The following NOP14 variants were observed in gnomAD, a reference collection of about 807,000 sequenced individuals.
The protein encoded by NOP14 is nucleolar protein 14.
In NOP14, 57 loss-of-function variants were observed where a neutral mutation model predicts 101.6. That is an observed-to-expected ratio of 0.56 (90% CI 0.45 to 0.70). The LOEUF is 0.70. Ranked by LOEUF, NOP14 falls within the 30% of genes least tolerant of loss-of-function variation. The pLI, the probability that NOP14 is intolerant of heterozygous loss-of-function variation, is 0.00. For synonymous variants in NOP14, 428 were observed against 424.0 expected (o/e 1.01, Z -0.12); for missense variants, 1,134 against 1,075.5 (o/e 1.05, Z -0.76).
chr4:2,960,802 ATAT>A (rs1259534113), intron 1 of NOP14, among the ~76,000 whole-genome samples: 2 of 106,370 alleles, frequency 1.9e-5, no homozygotes, highest in Non-Finnish European at 3.8e-5. Flanking sequence ...TAATATTAAT[ATAT>A]TAATATTATA....
intron 15 of NOP14, among the ~76,000 whole-genome samples, 179 bp from the exon 16 acceptor site, chr4:2,939,824 G>A (rs1052330268): frequency 3.3e-5 from 5 of 152,252 alleles, no homozygotes; most frequent in Non-Finnish European, 7.3e-5. Context: ...GGCTGTGGCT[G>A]CTCAAGTCCT....
chr4:2,961,837 G>T (rs772956851), intron 1 of NOP14: 4 of 152,256 alleles, frequency 2.6e-5, no homozygotes, highest in Non-Finnish European at 4.4e-5. Context: ...CAAGGGCCAA[G>T]CATTGGAGAT....
In NOP14 at chr4:2,939,249, G is replaced by A. The variant is rs188640033; in HGVS notation, c.2413C>T (p.Arg805Ter). 3.1e-5 allele frequency: 50 copies of A among 1,613,976 alleles called. No individual in the cohort carries two copies. Among genetic ancestry groups the A allele is most frequent in the Admixed American group, 8.3e-5 (5 of 60,022 alleles). Residue 805 changes from arginine to a stop codon, truncating the protein, a stop_gained, in exon 17 of 18, where the codon CGA becomes TGA. Transcript: ENST00000416614. LOFTEE classifies it high-confidence loss of function. ...AACTGATTGTCCTTGCGGATTTCTC[G>A]AACGGCCCCTTTAAATTCACGCTTG... The part of the protein sequence containing the change: ...KHKREFKGAV[R>*]EIRKDNQFLA...
At chr4:2,953,946 C>T (rs1207204131) in intron 4 of NOP14, among the ~76,000 whole-genome samples, 1 of 152,124 alleles carries the variant, frequency 6.6e-6, no homozygotes, top group Non-Finnish European at 1.5e-5. Context: ...AACAAAAAAC[C>T]CATCCGCGCC....
In NOP14 at chr4:2,938,825, T is replaced by C. The variant is rs778377976; in HGVS notation, c.*6A>G. On this transcript the variant is annotated 3_prime_UTR_variant, in exon 18 of 18. Coordinates refer to ENST00000416614, the MANE Select transcript of NOP14 (RefSeq NM_001291978.2). ...CCAGTTCCTTGCCTTATTTATAAAA[T>C]GTAATTTATTTTTTGAACTTTTTCC... 8.7e-6 allele frequency: 14 copies of C among 1,607,358 alleles called. No individual in the cohort carries two copies. The highest frequency in any genetic ancestry group is 1.2e-5 in the Non-Finnish European group (14 of 1,174,374).
intron 1 of NOP14, chr4:2,961,214 A>C (rs1281244073): frequency 2.5e-4 from 1 of 3,960 alleles, no homozygotes; most frequent in Non-Finnish European, 4.5e-4. Context: ...TAATATATTA[A>C]TATATTAATA....
In NOP14 at chr4:2,938,652, CGTG is replaced by C; in HGVS notation, c.*176_*178del. ...TCCCGAGTAGTTGGGACTACAGGTG[CGTG>C]CCACCACACTTGGCTAATTTTTATG... On this transcript the variant is annotated 3_prime_UTR_variant, in exon 18 of 18. Transcript: ENST00000416614. The C allele has an allele frequency of 1.7e-6, 1 of 587,676 alleles. No homozygotes were observed. Among genetic ancestry groups the C allele is most frequent in the Non-Finnish European group, 3.0e-6 (1 of 332,852 alleles). 36.4% of individuals were successfully genotyped at this position (587,676 alleles called of 1,614,324 possible).
intron 8 of NOP14, 45 bp from the exon 9 acceptor site, chr4:2,948,453 A>G: frequency 1.4e-6 from 2 of 1,417,688 alleles, no homozygotes; most frequent in Non-Finnish European, 1.9e-6. Flanking sequence ...ATTTATATAT[A>G]TGTATATATA....
At chr4:2,959,584 C>A (rs1186291320) in intron 1 of NOP14, among the ~76,000 whole-genome samples, 1 of 47,618 alleles carries the variant, frequency 2.1e-5, no homozygotes, top group African/African-American at 1.5e-4. Flanking sequence ...CAGACAAAGA[C>A]TCTGTCTCAA....
intron 2 of NOP14, 88 bp downstream of exon 2, chr4:2,957,518 T>C (rs1715430171): frequency 6.6e-7 from 1 of 1,513,452 alleles, no homozygotes; most frequent in Middle Eastern, 1.8e-4. Context: ...CCCAGGAACA[T>C]GCAAAACATG....
chr4:2,942,944 G>A (rs115947288), intron 13 of NOP14, among the ~76,000 whole-genome samples: 358 of 152,286 alleles, frequency 2.4e-3, no homozygotes, highest in Non-Finnish European at 3.6e-3. Context: ...CAGAGGTGCC[G>A]GGCCAAGCGA....
chr4:2,951,201 A>G lies in NOP14; in HGVS notation c.915T>C (p.Asn305=). 6.2e-7 allele frequency: 1 copy of G among 1,613,932 alleles called. No individual in the cohort carries two copies. The highest frequency in any genetic ancestry group is 1.1e-5 in the South Asian group (1 of 91,070). The change falls in exon 7 of 18, where the codon AAT becomes AAC. Residue 305 remains asparagine, a synonymous_variant. Transcript: ENST00000416614. ...RRMLGKDEDE[N]VKKPKHMSAD... The stretch of plus-strand genomic sequence containing the variant: ...CTGACATATGTTTTGGTTTCTTAAC[A>G]TTTTCATCCTCATCCTTTCCAAGCA...
rs149936004 is a variant in NOP14, at chr4:2,938,880, G to A, written c.2525C>T (p.Thr842Ile). ...KVKQLFNSLA[T>I]QEGEWKALKR... ...CAGAGCCTTCCATTCGCCTTCCTGT[G>A]TAGCCAGGCTGTTAAAAAGCTGCTT... The change falls in exon 18 of 18, where the codon ACA becomes ATA. Residue 842 changes from threonine (T) to isoleucine (I), a missense_variant. Thr to Ile is a moderately conservative substitution (Grantham distance 89). Coordinates refer to ENST00000416614, the MANE Select transcript of NOP14 (RefSeq NM_001291978.2). The A allele has an allele frequency of 1.9e-6, 3 of 1,614,012 alleles. No individual in the cohort carries two copies. The highest frequency in any genetic ancestry group is 2.5e-6 in the Non-Finnish European group (3 of 1,180,008).
At chr4:2,953,420 G>A in intron 5 of NOP14, 91 bp downstream of exon 5, 3 of 1,423,498 alleles carry the variant, frequency 2.1e-6, no homozygotes, top group Admixed American at 4.1e-5. Context: ...GAGACAGGTA[G>A]AAGAGCCGTC....
intron 8 of NOP14, 77 bp downstream of exon 8, chr4:2,949,857 G>A (rs1714894468): frequency 1.3e-6 from 2 of 1,542,586 alleles, no homozygotes; most frequent in Admixed American, 3.4e-5. Flanking sequence ...ACCCCTGGGA[G>A]GGAGACGAAC....
In NOP14 at chr4:2,963,133, G is replaced by A. The variant is rs1716256028; in HGVS notation, c.187C>T (p.Leu63Phe). ...GTGCGCCCCCCGCTTACCTTCCTGA[G>A]GGCCCGTGCGCGAGACACCCCGGGC... is the stretch of plus-strand genomic sequence containing the variant. ...GLPGVSRARA[L>F]RKRTQTLLKE... The change falls in exon 1 of 18, where the codon CTC becomes TTC. Residue 63 changes from leucine to phenylalanine, a missense_variant. Physicochemically the swap from Leu to Phe is conservative, Grantham distance 22. Transcript: ENST00000416614. 6.4e-7 allele frequency: 1 copy of A among 1,558,894 alleles called. No homozygotes were observed. Among genetic ancestry groups the A allele is most frequent in the Non-Finnish European group, 8.7e-7 (1 of 1,155,144 alleles).
chr4:2,962,697 A>G (rs1012327576), intron 1 of NOP14, among the ~76,000 whole-genome samples: 1 of 152,084 alleles, frequency 6.6e-6, no homozygotes, highest in African/African-American at 2.4e-5. Context: ...GGAAGCAATG[A>G]GTTTCCATAG....
chr4:2,960,974 ATATTAATATTATAT>A (rs1167647770), intron 1 of NOP14, among the ~76,000 whole-genome samples: 4 of 54,638 alleles, frequency 7.3e-5, no homozygotes, highest in African/African-American at 2.8e-4. Context: ...TATCAATATT[ATATTAATATTATAT>A]CGATATTATT....
intron 1 of NOP14, chr4:2,961,267 T>TATAATATA (rs1206115132): frequency 8.1e-6 from 1 of 124,082 alleles, no homozygotes; most frequent in Admixed American, 8.1e-5. Context: ...AATAATATAG[T>TATAATATA]TAGTATATTA....
Sources: gnomAD v4.1 joint callset for allele counts (sites outside exome capture counted in the v4.1 genomes callset) on GRCh38, gnomAD v4.1.1 for gene constraint, MANE v1.5 for transcripts, NCBI Gene and HGNC (gene_info 2026-07-23, HGNC 2026-07-21) for gene names.